Variants in BICRA observed in about 807,000 individuals in gnomAD.
BICRA encodes BRD4 interacting chromatin remodeling complex associated protein.
A neutral mutation model predicts 96.9 loss-of-function variants in BICRA; 31 were observed. The ratio of observed to expected loss-of-function variants is 0.32; its 90% confidence interval spans 0.24 to 0.43. BICRA has a LOEUF of 0.43. Ranked by LOEUF, BICRA falls within the 20% of genes least tolerant of loss-of-function variation. The pLI is 1.00. For synonymous variants in BICRA, 1,350 were observed against 1,071.8 expected, an observed-to-expected ratio of 1.26 and a Z score of -5.07; for missense variants, 2,283 against 2,190.3, an observed-to-expected ratio of 1.04 and a Z score of -0.84.
At chr19:47,646,002 G>A (rs149913041) in intron 1 of BICRA, among the ~76,000 whole-genome samples, 53 of 152,340 alleles carry the variant, frequency 3.5e-4, no homozygotes, top group East Asian at 1.9e-3. Context: ...GGAGGCCAAA[G>A]CAGGAGGATC....
chr19:47,642,030 TC>T (rs1432738375), intron 1 of BICRA, among the ~76,000 whole-genome samples: 1 of 152,232 alleles, frequency 6.6e-6, no homozygotes, highest in Non-Finnish European at 1.5e-5. Context: ...CACTGATTTT[TC>T]CATGTTGATT....
Position 47,679,881 on chromosome 19 carries a change from G to T in BICRA, c.711G>T (p.Val237=), listed in dbSNP as rs1264424556. 1.3e-6 allele frequency: 2 copies of T among 1,518,634 alleles called. No individual in the cohort carries two copies. Among genetic ancestry groups the T allele is most frequent in the Non-Finnish European group, 1.8e-6 (2 of 1,139,428 alleles). 94.1% of individuals were successfully genotyped at this position (1,518,634 alleles called of 1,614,324 possible). A position where few individuals can be genotyped will look rare whatever the true frequency, so the allele number is the denominator to read the frequency against. Residue 237 remains valine, a synonymous_variant, in exon 6 of 15, where the codon GTG becomes GTT. Coordinates refer to ENST00000594866, the MANE Select transcript of BICRA (RefSeq NM_001394372.1). ...CACTGGGCCTGGCGCCCATCCAGGT[G>T]GTGGGCCAGCCCGTCATGGCGCTCA... ...AATLGLAPIQ[V]VGQPVMALNT...
At chr19:47,640,957 T>G (rs1484445107) in intron 1 of BICRA, among the ~76,000 whole-genome samples, 1 of 141,992 alleles carries the variant, frequency 7.0e-6, no homozygotes, top group East Asian at 2.1e-4. Context: ...TGGAGTGCAG[T>G]GACATGATCT....
chr19:47,702,272 G>A lies in BICRA; in HGVS notation c.4540G>A (p.Ala1514Thr), dbSNP rs1357067810. The A allele has an allele frequency of 6.3e-7, 1 of 1,595,834 alleles. No homozygotes were observed. Among genetic ancestry groups the A allele is most frequent in the African/African-American group, 1.3e-5 (1 of 74,102 alleles). Residue 1514 changes from alanine (A) to threonine (T), a missense_variant, in exon 15 of 15, where the codon GCC becomes ACC. By Grantham distance (58) the Ala-to-Thr change is moderately conservative. Coordinates refer to ENST00000594866, the MANE Select transcript of BICRA (RefSeq NM_001394372.1). ...CGACAGCATCCTGAACCTGCAGCAG[G>A]CCCCCGGCCGGACGCCCGCGCCCTC... is the stretch of plus-strand genomic sequence containing the variant. ...AIDSILNLQQAPGRTPAPSYP... is the reference protein window; with the variant it reads ...AIDSILNLQQTPGRTPAPSYP...
chr19:47,627,654 A>G (rs1440878202), intron 1 of BICRA, among the ~76,000 whole-genome samples: 1 of 152,234 alleles, frequency 6.6e-6, no homozygotes, highest in Non-Finnish European at 1.5e-5. Context: ...ACAATGAGCC[A>G]GGAAAAAAGA....
chr19:47,667,519 G>A (rs1453747965), intron 1 of BICRA, among the ~76,000 whole-genome samples: 3 of 152,164 alleles, frequency 2.0e-5, no homozygotes, highest in African/African-American at 7.2e-5. Context: ...AGCCAGGGAG[G>A]AGGCATGAAC....
rs1470844594 is a variant in BICRA, at chr19:47,701,625, A to G, written c.3893A>G (p.Lys1298Arg). Residue 1298 changes from lysine to arginine, a missense_variant, in exon 15 of 15, where the codon AAG becomes AGG. Transcript: ENST00000594866. The surrounding 1 kb of genome is among the most constrained non-coding windows in gnomAD (Gnocchi z 5.4). ...PMPSRNRPPI[K>R]TYEARSRIGL... ...CCCTCCCGCAACCGCCCGCCCATCA[A>G]GACCTACGAGGCCCGGAGCCGCATC... The G allele has an allele frequency of 6.3e-7, 1 of 1,577,126 alleles. No homozygotes were observed. The highest frequency in any genetic ancestry group is 1.4e-5 in the African/African-American group (1 of 74,030).
At chr19:47,624,992 C>CT (rs35273886) in intron 1 of BICRA, among the ~76,000 whole-genome samples, 8,442 of 57,984 alleles carry the variant, frequency 0.15, 1,231 homozygotes, top group Middle Eastern at 0.21. Flanking sequence ...CTGCACCTGG[C>CT]TTTTTTTTTT....
chr19:47,622,241 G>A (rs538635807), intron 1 of BICRA, among the ~76,000 whole-genome samples: 5 of 151,744 alleles, frequency 3.3e-5, no homozygotes, highest in East Asian at 2.0e-4. Flanking sequence ...TGGAATTACA[G>A]GTGTGAGCCA....
At chr19:47,647,935 G>T (rs1294397925) in intron 1 of BICRA, among the ~76,000 whole-genome samples, 1 of 151,786 alleles carries the variant, frequency 6.6e-6, no homozygotes, top group African/African-American at 2.4e-5. Context: ...CCTGGCATTT[G>T]GGGTTGTTTA....
chr19:47,684,184 T>C (rs1232108678), intron 7 of BICRA, among the ~76,000 whole-genome samples: 1 of 152,114 alleles, frequency 6.6e-6, no homozygotes, highest in Non-Finnish European at 1.5e-5. Context: ...TTTATTATTA[T>C]TACTATTATC....
intron 1 of BICRA, among the ~76,000 whole-genome samples, chr19:47,638,930 T>C (rs558802263): frequency 6.7e-4 from 102 of 152,274 alleles, no homozygotes; most frequent in Non-Finnish European, 1.0e-3. Context: ...TCTGGTATTA[T>C]AGGCTGGAGC....
At position 47,664,672 on chromosome 19, in the gene BICRA, C is replaced by T. The variant is rs573387841; in HGVS notation, c.-107-5771C>T. Among the ~76,000 whole-genome samples the T allele has an allele frequency of 3.1e-4, 47 of 152,328 alleles. 1 individual carries two copies. In the East Asian group the frequency reaches 3.1e-3, roughly 10 times the overall value. The stretch of plus-strand genomic sequence containing the variant: ...CTCTTCAGGGTGTGCCAGGCAGCTT[C>T]GGCTGTGTGATGCCACAGTGACGAG... On this transcript the variant is annotated intron_variant, in intron 1 of 14. Transcript: ENST00000594866.
intron 7 of BICRA, among the ~76,000 whole-genome samples, chr19:47,684,466 C>T (rs545529587): frequency 1.3e-5 from 2 of 152,214 alleles, no homozygotes; most frequent in African/African-American, 4.8e-5. Context: ...TACAGGCGCC[C>T]GCCACCATGC....
Position 47,701,765 on chromosome 19 carries a change from C to T in BICRA, c.4033C>T (p.Pro1345Ser), listed in dbSNP as rs746050007. 1.4e-5 allele frequency: 22 copies of T among 1,537,282 alleles called. No individual in the cohort carries two copies. Among genetic ancestry groups the T allele is most frequent in the Admixed American group, 7.8e-5 (4 of 51,042 alleles). ...CCCCGCTACCCTCAAGGTGGCCGAG[C>T]CCCCGCCACGGCCGCCACCACCACC... The part of the protein sequence containing the change: ...PPPATLKVAE[P>S]PPRPPPPPPP... Residue 1345 changes from proline (P) to serine (S), a missense_variant, in exon 15 of 15, where the codon CCC becomes TCC. Pro to Ser is a moderately conservative substitution (Grantham distance 74). Coordinates refer to ENST00000594866, the MANE Select transcript of BICRA (RefSeq NM_001394372.1). The surrounding 1 kb of genome is among the most constrained non-coding windows in gnomAD (Gnocchi z 5.4).
At chr19:47,610,696 G>A (rs1003686765) in intron 1 of BICRA, among the ~76,000 whole-genome samples, 13 of 151,940 alleles carry the variant, frequency 8.6e-5, no homozygotes, top group Non-Finnish European at 1.5e-5. Flanking sequence ...TTTACGGAGG[G>A]CACTTGAAAG....
Position 47,702,588 on chromosome 19 carries a change from T to TG in BICRA, c.*179dup, listed in dbSNP as rs1568583131. The TG allele has an allele frequency of 1.3e-6, 1 of 742,140 alleles. No individual in the cohort carries two copies. The highest frequency in any genetic ancestry group is 2.0e-6 in the Non-Finnish European group (1 of 497,572). 46.0% of individuals were successfully genotyped at this position (742,140 alleles called of 1,614,324 possible). A position where few individuals can be genotyped will look rare whatever the true frequency, so the allele number is the denominator to read the frequency against. On this transcript the variant is annotated 3_prime_UTR_variant, in exon 15 of 15. Transcript: ENST00000594866. ...CTGCCGCCTGCTTCAGCTGGGTTGC[T>TG]GGGGGGTGGGCGTGGATTTAGGGAG... is the stretch of plus-strand genomic sequence containing the variant.
In BICRA at chr19:47,637,175, A is replaced by G. The variant is rs181013613; in HGVS notation, c.-108+28007A>G. ...CGCTCTGTCACCCAGGCTGGAGTGCAGTGGTGCAATCTCGGCTCACTGAAA... is the reference window on the plus strand; with the variant it reads ...CGCTCTGTCACCCAGGCTGGAGTGCGGTGGTGCAATCTCGGCTCACTGAAA... On this transcript the variant is annotated intron_variant, in intron 1 of 14. Coordinates refer to ENST00000594866, the MANE Select transcript of BICRA (RefSeq NM_001394372.1). 5.5e-3 allele frequency among the ~76,000 whole-genome samples: 832 copies of G among 152,080 alleles called. 2 individuals carry two copies. Among genetic ancestry groups the G allele is most frequent in the African/African-American group, 7.2e-3 (300 of 41,454 alleles).
In BICRA at chr19:47,699,412, G is replaced by A. The variant is rs764244350; in HGVS notation, c.3595+7G>A. The A allele has an allele frequency of 2.5e-5, 38 of 1,498,710 alleles. No individual in the cohort carries two copies. The East Asian group carries it at 8.1e-4, about 32-fold the overall frequency. 92.8% of individuals were successfully genotyped at this position (1,498,710 alleles called of 1,614,324 possible). On this transcript the variant is annotated splice_region_variant and intron_variant, in intron 14 of 14. Coordinates refer to ENST00000594866, the MANE Select transcript of BICRA (RefSeq NM_001394372.1). The surrounding 1 kb of genome is among the most constrained non-coding windows in gnomAD (Gnocchi z 5.0). ...CTGGCCAAGGAGAAGCCGGGTGAGA[G>A]GGGGGAGTGAGAGGGGAGGGGAGGG...
Sources: gnomAD v4.1 joint callset for allele counts (sites outside exome capture counted in the v4.1 genomes callset) on GRCh38, gnomAD v4.1.1 for gene constraint, Gnocchi (gnomAD v3.1) non-coding constraint, MANE v1.5 for transcripts, NCBI Gene and HGNC (gene_info 2026-07-23, HGNC 2026-07-21) for gene names.